Variants in CACNA2D3 observed in about 807,000 individuals in gnomAD.
CACNA2D3 encodes voltage-dependent calcium channel subunit alpha-2/delta-3.
CACNA2D3 carries 60 observed loss-of-function variants against 160.6 expected under a neutral mutation model. The observed-to-expected ratio is 0.37, with a 90% CI of 0.30 to 0.46. The LOEUF (loss-of-function observed/expected upper bound fraction) is 0.46. CACNA2D3 is among the 20% of genes least tolerant of loss of function. CACNA2D3 has a pLI of 1.00. For missense variants in CACNA2D3, 1,205 were observed against 1,365.0 expected, an observed-to-expected ratio of 0.88 and a Z score of 1.85; for synonymous variants, 558 against 492.9, an observed-to-expected ratio of 1.13 and a Z score of -1.75.
chr3:54,488,321 C>A (rs1442186797), intron 4 of CACNA2D3, among the ~76,000 whole-genome samples: 1 of 152,112 alleles, frequency 6.6e-6, no homozygotes, highest in Non-Finnish European at 1.5e-5. Flanking sequence ...ACTTCCGAAA[C>A]CAACTGATGA....
chr3:54,763,360 C>G (rs577533362), intron 12 of CACNA2D3, among the ~76,000 whole-genome samples: 1 of 152,124 alleles, frequency 6.6e-6, no homozygotes, highest in East Asian at 1.9e-4. Context: ...GTCATCTGCA[C>G]TTAAATATGT....
intron 4 of CACNA2D3, among the ~76,000 whole-genome samples, chr3:54,392,419 CAGAG>C (rs763259989): frequency 6.6e-6 from 1 of 152,100 alleles, no homozygotes; most frequent in Non-Finnish European, 1.5e-5. Context: ...AGCGGGTGCA[CAGAG>C]AGAGAAAAAA....
At chr3:54,197,693 T>C (rs1701106454) in intron 2 of CACNA2D3, among the ~76,000 whole-genome samples, 2 of 152,268 alleles carry the variant, frequency 1.3e-5, no homozygotes, top group Middle Eastern at 3.4e-3. Context: ...TGGGAACTGC[T>C]CTTGTGTATG....
chr3:54,423,093 T>A (rs1234487689), intron 4 of CACNA2D3, among the ~76,000 whole-genome samples: 1 of 152,080 alleles, frequency 6.6e-6, no homozygotes, highest in African/African-American at 2.4e-5. Context: ...TAATGCAAGT[T>A]AAAAGGGAAA....
intron 3 of CACNA2D3, chr3:54,385,969 A>G (rs1048032653): frequency 3.0e-5 from 15 of 506,800 alleles, no homozygotes; most frequent in Non-Finnish European, 5.1e-5. Flanking sequence ...TCAAGGTGGG[A>G]AATATCTTAT....
At chr3:54,832,531 C>T (rs1052101518) in intron 14 of CACNA2D3, among the ~76,000 whole-genome samples, 1 of 152,244 alleles carries the variant, frequency 6.6e-6, no homozygotes, top group Admixed American at 6.5e-5. Flanking sequence ...GGAATGAAAT[C>T]ACTCTGCGGC....
chr3:55,065,256 T>C (rs1182165207), intron 35 of CACNA2D3, among the ~76,000 whole-genome samples: 2 of 152,172 alleles, frequency 1.3e-5, no homozygotes, highest in East Asian at 1.9e-4. Context: ...TTTTCTGGGA[T>C]GTGAACTGGA....
intron 4 of CACNA2D3, among the ~76,000 whole-genome samples, chr3:54,414,723 C>T (rs1699726548): frequency 2.0e-5 from 3 of 150,932 alleles, no homozygotes; most frequent in Admixed American, 2.0e-4. Flanking sequence ...GTAATGGTGG[C>T]TACAGAAGTC....
At chr3:54,695,789 T>G (rs1439144530) in intron 11 of CACNA2D3, among the ~76,000 whole-genome samples, 1 of 152,250 alleles carries the variant, frequency 6.6e-6, no homozygotes, top group Non-Finnish European at 1.5e-5. Context: ...CTTATTGATT[T>G]GCAAGAAGTC....
intron 25 of CACNA2D3, among the ~76,000 whole-genome samples, chr3:54,892,808 A>T (rs542947194): frequency 6.6e-6 from 1 of 152,242 alleles, no homozygotes; most frequent in Non-Finnish European, 1.5e-5. Context: ...AGTAACAATA[A>T]AACATGACAC....
At chr3:54,842,999 T>A (rs1395138925) in intron 16 of CACNA2D3, among the ~76,000 whole-genome samples, 3 of 147,520 alleles carry the variant, frequency 2.0e-5, no homozygotes, top group Middle Eastern at 3.5e-3. Flanking sequence ...TTTTTTTTTC[T>A]TTGAGCCTTA....
rs545736235 is a variant in CACNA2D3, at chr3:54,143,912, A to G, written c.204+20318A>G. On this transcript the variant is annotated intron_variant, in intron 2 of 37. Transcript: ENST00000474759. ...TAAATGAGATCATATTGTATCAGCT[A>G]TGTTATAATGGGAAGATATTTTAAA... Among the ~76,000 whole-genome samples, 41 of 152,336 alleles carry G rather than the reference A, an allele frequency of 2.7e-4. No homozygotes were observed. In the East Asian group the frequency reaches 2.7e-3, roughly 10 times the overall value.
rs202051289 is a variant in CACNA2D3 at position 54,247,907 on chromosome 3, G to A, written c.205-72535G>A. 3.3e-5 allele frequency among the ~76,000 whole-genome samples: 5 copies of A among 152,266 alleles called. No homozygotes were observed. The East Asian group carries it at 7.7e-4, about 23-fold the overall frequency. On this transcript the variant is annotated intron_variant, in intron 2 of 37. Coordinates refer to ENST00000474759, the MANE Select transcript of CACNA2D3 (RefSeq NM_018398.3). ...GTACCATGCCTGGTGCATAGTGGATGCTCAAACTACTGACCAAATATATTA... is the reference window on the plus strand; with the variant it reads ...GTACCATGCCTGGTGCATAGTGGATACTCAAACTACTGACCAAATATATTA...
chr3:55,012,798 G>A (rs546309564), intron 34 of CACNA2D3, among the ~76,000 whole-genome samples: 94 of 152,158 alleles, frequency 6.2e-4, no homozygotes, highest in African/African-American at 2.1e-3. Context: ...TTGAGAAACC[G>A]TGGCCTAGAC....
chr3:55,060,876 T>A (rs1215267956), intron 35 of CACNA2D3, among the ~76,000 whole-genome samples: 1 of 152,208 alleles, frequency 6.6e-6, no homozygotes, highest in African/African-American at 2.4e-5. Flanking sequence ...AAAAGAAAAC[T>A]GGGCCCCTCT....
intron 26 of CACNA2D3, 53 bp from the exon 27 acceptor site, chr3:54,899,735 C>A: frequency 7.9e-7 from 1 of 1,266,232 alleles, no homozygotes; most frequent in Non-Finnish European, 1.1e-6. Flanking sequence ...ACTCTCTTAA[C>A]GTGTACACTG....
intron 35 of CACNA2D3, among the ~76,000 whole-genome samples, chr3:55,019,512 T>C (rs1181594772): frequency 1.3e-5 from 2 of 152,158 alleles, no homozygotes; most frequent in Admixed American, 6.6e-5. Context: ...ACACACCCCA[T>C]AGTTTTTCTT....
At chr3:54,463,126 A>C (rs1700539802) in intron 4 of CACNA2D3, among the ~76,000 whole-genome samples, 1 of 151,712 alleles carries the variant, frequency 6.6e-6, no homozygotes, top group Non-Finnish European at 1.5e-5. Context: ...TGGCTTGTAG[A>C]GTTTCCGCCG....
chr3:54,403,431 G>T (rs145576323), intron 4 of CACNA2D3, among the ~76,000 whole-genome samples: 1 of 150,028 alleles, frequency 6.7e-6, no homozygotes, highest in African/African-American at 2.5e-5. Flanking sequence ...GAGACAAAAG[G>T]TAGTGAAGAC....
Sources: allele counts gnomAD v4.1 joint callset (sites outside exome capture counted in the v4.1 genomes callset), GRCh38; gene constraint gnomAD v4.1.1; transcripts MANE v1.5; gene names NCBI Gene and HGNC (gene_info 2026-07-23, HGNC 2026-07-21).